OTOF: variants seen among roughly 807,000 people sequenced by gnomAD.
OTOF encodes the protein otoferlin.
In OTOF, 218 loss-of-function variants were observed where a neutral mutation model predicts 236.8. That is an observed-to-expected ratio of 0.92 (90% CI 0.82 to 1.03). The LOEUF is 1.03. Among genes scored for constraint, OTOF ranks in the 50% least tolerant of loss-of-function variants. The pLI is 0.00. For synonymous variants in OTOF, 1,041 were observed against 1,072.5 expected (o/e 0.97, Z 0.57); for missense variants, 2,590 against 2,694.4 (o/e 0.96, Z 0.86).
chr2:26,528,703 G>A (rs1375631527), intron 2 of OTOF, among the ~76,000 whole-genome samples: 1 of 152,234 alleles, frequency 6.6e-6, no homozygotes, highest in Non-Finnish European at 1.5e-5. Flanking sequence ...AATGGGCAGA[G>A]CCAGACATCT....
chr2:26,508,486 A>T (rs1485515916), intron 5 of OTOF, among the ~76,000 whole-genome samples: 1 of 152,228 alleles, frequency 6.6e-6, no homozygotes, highest in Non-Finnish European at 1.5e-5. Context: ...ACATGTGCCC[A>T]CGTTGTACCA....
intron 46 of OTOF, among the ~76,000 whole-genome samples, chr2:26,459,490 G>T (rs1385675944): frequency 2.6e-5 from 4 of 151,058 alleles, no homozygotes; most frequent in South Asian, 2.1e-4. Context: ...AGGCGGAGCT[G>T]GCAGTGAGCC....
intron 26 of OTOF, among the ~76,000 whole-genome samples, 186 bp downstream of exon 26, chr2:26,474,327 C>T (rs1430238801): frequency 6.9e-6 from 1 of 144,762 alleles, no homozygotes; most frequent in Non-Finnish European, 1.5e-5. Flanking sequence ...AGGCCCTAAC[C>T]CCCCAGGCCC....
At chr2:26,469,084 A>G (rs754671608) in intron 32 of OTOF, among the ~76,000 whole-genome samples, 7 of 152,226 alleles carry the variant, frequency 4.6e-5, no homozygotes, top group Non-Finnish European at 8.8e-5. Flanking sequence ...CTTGCAATAA[A>G]TATTTACATT....
At chr2:26,491,105 CG>C (rs1665830747) in intron 9 of OTOF, among the ~76,000 whole-genome samples, 2 of 152,034 alleles carry the variant, frequency 1.3e-5, no homozygotes, top group South Asian at 4.2e-4. Flanking sequence ...GAAGTTAGGC[CG>C]GGGAGATGGA....
At chr2:26,464,837 GGGGCAGGC>G in intron 39 of OTOF, 24 bp downstream of exon 39, 1 of 1,593,296 alleles carries the variant, frequency 6.3e-7, no homozygotes, top group Non-Finnish European at 8.6e-7. Context: ...CCCTGGAGAG[GGGGCAGGC>G]GGCTGCATCC....
Position 26,461,017 on chromosome 2 carries a change from C to T in OTOF, c.5547G>A (p.Leu1849=), listed in dbSNP as rs1312932117. ...SADDFLGAIE[L]DLNRFPRGAK... is the part of the protein sequence containing the mutation. ...CGCCCCGCGGGAACCGGTTCAGGTC[C>T]AGCTCGATGGCCCCTGTGGCAACCT... The change falls in exon 44 of 47, where the codon CTG becomes CTA. Residue 1849 remains leucine, a synonymous_variant. Transcript: ENST00000272371. This position sits in a 1 kb window ranked among gnomAD's most constrained non-coding sequence, Gnocchi z 6.2. The T allele has an allele frequency of 8.7e-6, 14 of 1,607,236 alleles. No individual in the cohort carries two copies. Among genetic ancestry groups the T allele is most frequent in the Non-Finnish European group, 9.3e-6 (11 of 1,177,314 alleles).
intron 22 of OTOF, 47 bp from the exon 23 acceptor site, chr2:26,476,364 C>T: frequency 6.4e-7 from 1 of 1,573,908 alleles, no homozygotes; most frequent in South Asian, 1.1e-5. Flanking sequence ...CTGCCAGGGC[C>T]CAAGAGGTGG....
intron 1 of OTOF, among the ~76,000 whole-genome samples, chr2:26,543,250 G>A (rs1421824299): frequency 6.6e-6 from 1 of 152,200 alleles, no homozygotes; most frequent in East Asian, 1.9e-4. Flanking sequence ...AAGCACCCCT[G>A]CGTGCAGGAA....
At chr2:26,481,569 T>C (rs1665541912) in intron 14 of OTOF, among the ~76,000 whole-genome samples, 1 of 152,230 alleles carries the variant, frequency 6.6e-6, no homozygotes, top group African/African-American at 2.4e-5. Flanking sequence ...ATTCTGCCTT[T>C]TTTTAAAAAA....
chr2:26,474,017 G>T lies in OTOF; in HGVS notation c.3382C>A (p.Pro1128Thr). ...PIMPVPMGIR[P>T]VLSKYRVEVL... ...TCCACTCGGTACTTGCTGAGCACGG[G>T]CCGGATGCCCATGGGCACGGGCATG... The change falls in exon 27 of 47, where the codon CCC becomes ACC. Residue 1128 changes from proline (P) to threonine (T), a missense_variant. Around this residue, in one of 2 missense-constraint regions of OTOF, gnomAD observed 1,211 missense variants for 1,352.8 expected, o/e 0.90. Coordinates refer to ENST00000272371, the MANE Select transcript of OTOF (RefSeq NM_194248.3). 1 of 1,613,020 alleles carries T rather than the reference G, an allele frequency of 6.2e-7. No homozygotes were observed. Among genetic ancestry groups the T allele is most frequent in the Non-Finnish European group, 8.5e-7 (1 of 1,179,896 alleles).
At chr2:26,550,041 A>G (rs570466756) in intron 1 of OTOF, among the ~76,000 whole-genome samples, 1 of 150,002 alleles carries the variant, frequency 6.7e-6, no homozygotes, top group Non-Finnish European at 1.5e-5. Context: ...TGACTCTTTT[A>G]CTCTCCGATA....
chr2:26,506,091 C>T (rs1250863800), intron 5 of OTOF, among the ~76,000 whole-genome samples: 1 of 152,170 alleles, frequency 6.6e-6, no homozygotes, highest in Admixed American at 6.5e-5. Context: ...ACCTGCTGGC[C>T]CCAAGGACAG....
In OTOF at chr2:26,473,384, C is replaced by T. The variant is rs777316552; in HGVS notation, c.3570+22G>A. 6.2e-7 allele frequency: 1 copy of T among 1,613,350 alleles called. No homozygotes were observed. Among genetic ancestry groups the T allele is most frequent in the Non-Finnish European group, 8.5e-7 (1 of 1,179,980 alleles). On this transcript the variant is annotated intron_variant, in intron 28 of 46. Coordinates refer to ENST00000272371, the MANE Select transcript of OTOF (RefSeq NM_194248.3). The surrounding 1 kb of genome is among the most constrained non-coding windows in gnomAD (Gnocchi z 7.2). The stretch of plus-strand genomic sequence containing the variant: ...GGAGCCACACTGGCCACAGGATGTC[C>T]TCCGCCAGGGCCTGCACTCACCACT...
At position 26,495,796 on chromosome 2, in the gene OTOF, T is replaced by C. The variant is rs192970785; in HGVS notation, c.766-723A>G. 4.4e-3 allele frequency among the ~76,000 whole-genome samples: 675 copies of C among 152,370 alleles called. 5 individuals carry two copies. The highest frequency in any genetic ancestry group is 0.016 in the African/African-American group (651 of 41,580). On this transcript the variant is annotated intron_variant, in intron 8 of 46. Transcript: ENST00000272371. The stretch of plus-strand genomic sequence containing the variant: ...CGTTCTTCCCCAGCGTCGATGGCTC[T>C]GCTTCAGAAAGAGCTGCCAAACCCA...
At position 26,476,898 on chromosome 2, in the gene OTOF, A is replaced by C. The variant is rs1313204638; in HGVS notation, c.2669T>G (p.Phe890Cys). Residue 890 changes from phenylalanine (F) to cysteine (C), a missense_variant, in exon 22 of 47, where the codon TTC becomes TGC. This residue lies in a region of OTOF where 1,379 missense variants were observed against 1,341.6 expected (regional missense o/e 1.03). Transcript: ENST00000272371. ...GKDCAKVKTL[F>C]LKLPGKRGFG... Reference sequence around the variant, plus strand: ...TCCTGCCCCCTCCAGCACCTTAAGGAAGAGCGTCTTGACCTTGGCGCAGTC... The same window carrying C: ...TCCTGCCCCCTCCAGCACCTTAAGGCAGAGCGTCTTGACCTTGGCGCAGTC... The C allele has an allele frequency of 1.9e-6, 3 of 1,609,782 alleles. No homozygotes were observed. In the African/African-American group the frequency reaches 4.0e-5, roughly 22 times the overall value.
rs747505953 is a variant in OTOF, at chr2:26,527,966, G to C, written c.139-46C>G. On this transcript the variant is annotated intron_variant, in intron 2 of 46. Transcript: ENST00000272371. Reference sequence around the variant, plus strand: ...GCGGCTTCGGTGGCAATAACAGGTAGGAGCCGTGGGGTGTGGGAGGGGAAT... The same window carrying C: ...GCGGCTTCGGTGGCAATAACAGGTACGAGCCGTGGGGTGTGGGAGGGGAAT... The C allele has an allele frequency of 5.9e-6, 8 of 1,360,830 alleles. No homozygotes were observed. The African/African-American group carries it at 1.1e-4, about 19-fold the overall frequency. The allele number at this position is 1,360,830 out of a possible 1,614,324, so 84.3% of individuals were successfully genotyped here. A position where few individuals can be genotyped will look rare whatever the true frequency, so the allele number is the denominator to read the frequency against.
intron 6 of OTOF, among the ~76,000 whole-genome samples, chr2:26,502,880 G>T (rs1238068164): frequency 6.6e-6 from 1 of 152,204 alleles, no homozygotes; most frequent in African/African-American, 2.4e-5. Flanking sequence ...CAGAAACGAA[G>T]GCTTAGGAAG....
At chr2:26,463,685 C>T in intron 40 of OTOF, 114 bp from the exon 41 acceptor site, 1 of 961,324 alleles carries the variant, frequency 1.0e-6, no homozygotes, top group East Asian at 2.6e-5. Flanking sequence ...CATCAGTTTC[C>T]ATCTTTGGAT....
Sources: allele counts gnomAD v4.1 joint callset (sites outside exome capture counted in the v4.1 genomes callset), GRCh38; gene constraint gnomAD v4.1.1; regional missense constraint gnomAD v4.1.1; non-coding constraint Gnocchi (gnomAD v3.1); transcripts MANE v1.5; gene names NCBI Gene and HGNC (gene_info 2026-07-23, HGNC 2026-07-21).